Variants in NRP2 observed in about 807,000 individuals in gnomAD.
NRP2 encodes neuropilin 2.
A neutral mutation model predicts 110.4 loss-of-function variants in NRP2; 52 were observed. That is an observed-to-expected ratio of 0.47 (90% CI 0.38 to 0.59). The LOEUF is 0.59. NRP2 is among the 20% of genes least tolerant of loss of function. NRP2 has a pLI of 0.00. For synonymous variants in NRP2, 508 were observed against 468.9 expected (o/e 1.08, Z -1.08); for missense variants, 1,049 against 1,203.0 (o/e 0.87, Z 1.89).
chr2:205,691,890 G>A (rs1402073201), intron 1 of NRP2, among the ~76,000 whole-genome samples: 1 of 152,220 alleles, frequency 6.6e-6, no homozygotes, highest in African/African-American at 2.4e-5. Flanking sequence ...GAGGTCAGGA[G>A]AGGTAATCGC....
intron 1 of NRP2, among the ~76,000 whole-genome samples, chr2:205,696,570 T>A (rs1390415623): frequency 6.6e-6 from 1 of 152,232 alleles, no homozygotes. Flanking sequence ...CCCGAATAGA[T>A]GAGATTCCTC....
intron 2 of NRP2, among the ~76,000 whole-genome samples, chr2:205,709,212 G>A (rs2056749561): frequency 6.6e-6 from 1 of 152,232 alleles, no homozygotes; most frequent in Non-Finnish European, 1.5e-5. Context: ...TGTGCAGGGG[G>A]ATGATTTTTT....
At chr2:205,744,934 C>T (rs1012379322) in intron 9 of NRP2, among the ~76,000 whole-genome samples, 21 of 152,326 alleles carry the variant, frequency 1.4e-4, no homozygotes, top group African/African-American at 4.8e-4. Context: ...TGGGAGACAG[C>T]CCTATCCGAG....
intron 1 of NRP2, among the ~76,000 whole-genome samples, chr2:205,690,882 C>T (rs2056300534): frequency 6.6e-6 from 1 of 152,174 alleles, no homozygotes; most frequent in South Asian, 2.1e-4. Context: ...CTAACTCTAC[C>T]TTGACCTACT....
intron 3 of NRP2, among the ~76,000 whole-genome samples, chr2:205,719,164 A>C (rs1332391360): frequency 3.3e-5 from 5 of 152,228 alleles, no homozygotes; most frequent in Non-Finnish European, 7.3e-5. Context: ...AAACACAGCT[A>C]TGTTTGCTAG....
chr2:205,749,710 T>C lies in NRP2; in HGVS notation c.1787-15T>C, dbSNP rs562851054. The C allele has an allele frequency of 1.9e-6, 3 of 1,607,250 alleles. No individual in the cohort carries two copies. The African/African-American group carries it at 4.0e-5, about 21-fold the overall frequency. On this transcript the variant is annotated splice_polypyrimidine_tract_variant and intron_variant, in intron 10 of 16. Transcript: ENST00000357785. ...CTGCTACAGCATTCTCTTATCTTCC[T>C]TTGCCCTTACACAGACTCCAAGCCC... is the stretch of plus-strand genomic sequence containing the variant.
chr2:205,765,773 TTA>T, intron 14 of NRP2: 1 of 712,758 alleles, frequency 1.4e-6, no homozygotes, highest in East Asian at 2.7e-5. Context: ...AGGGGACGGC[TTA>T]TATCCCTGTT....
intron 15 of NRP2, among the ~76,000 whole-genome samples, chr2:205,769,369 A>G (rs1013377958): frequency 2.0e-5 from 3 of 152,166 alleles, no homozygotes; most frequent in Admixed American, 2.0e-4. Context: ...TTGGACCTGG[A>G]GTTATTAGAT....
Position 205,794,846 on chromosome 2 carries a change from C to G in NRP2, c.2569C>G (p.Leu857Val), listed in dbSNP as rs775004973. The G allele has an allele frequency of 7.4e-6, 12 of 1,614,228 alleles. No homozygotes were observed. In the Admixed American group the frequency reaches 2.0e-4, roughly 27 times the overall value. The change falls in exon 17 of 17, where the codon CTG becomes GTG. Residue 857 changes from leucine (L) to valine (V), a missense_variant. By Grantham distance (32) the Leu-to-Val change is conservative. Coordinates refer to ENST00000357785, the MANE Select transcript of NRP2 (RefSeq NM_003872.3). The stretch of plus-strand genomic sequence containing the variant: ...CAAAGAAAAGAGCTGGCTGTACACC[C>G]TGGATCCCATCCTCATCACCATCAT... ...TDKEKSWLYT[L>V]DPILITIIAM...
At chr2:205,690,556 C>T (rs1004852257) in intron 1 of NRP2, among the ~76,000 whole-genome samples, 1 of 145,700 alleles carries the variant, frequency 6.9e-6, no homozygotes, top group Non-Finnish European at 1.5e-5. Context: ...GCCAACATAG[C>T]AAGACCCCAT....
intron 15 of NRP2, among the ~76,000 whole-genome samples, chr2:205,774,307 A>C (rs1259293112): frequency 2.0e-5 from 3 of 152,158 alleles, no homozygotes; most frequent in African/African-American, 7.2e-5. Context: ...AATATGAGAG[A>C]GAGAGAGGCC....
intron 12 of NRP2, among the ~76,000 whole-genome samples, chr2:205,754,027 C>A (rs972705977): frequency 2.6e-5 from 4 of 152,146 alleles, no homozygotes; most frequent in African/African-American, 9.7e-5. Context: ...CTAATGAATA[C>A]ATTTAACAAC....
chr2:205,732,591 A>G (rs992628500), intron 7 of NRP2, among the ~76,000 whole-genome samples: 3 of 152,206 alleles, frequency 2.0e-5, no homozygotes, highest in Non-Finnish European at 4.4e-5. Flanking sequence ...CTGTAGATGG[A>G]AGGCTCTCCG....
At position 205,795,203 on chromosome 2, in the gene NRP2, C is replaced by A. The variant is rs189595470; in HGVS notation, c.*145C>A. 8 of 888,802 alleles carry A rather than the reference C, an allele frequency of 9.0e-6. No individual in the cohort carries two copies. In the East Asian group the frequency reaches 1.6e-4, roughly 18 times the overall value. 55.1% of individuals were successfully genotyped at this position (888,802 alleles called of 1,614,324 possible). On this transcript the variant is annotated 3_prime_UTR_variant, in exon 17 of 17. Transcript: ENST00000357785. ...CGAAGGTATGGACAGGACAGAAAAG[C>A]GAGTCGCAGGAGGAAGGGAGATGCA...
At chr2:205,708,329 G>A (rs1166604832) in intron 2 of NRP2, among the ~76,000 whole-genome samples, 8 of 152,218 alleles carry the variant, frequency 5.3e-5, no homozygotes, top group Non-Finnish European at 1.5e-5. Flanking sequence ...GGCCTCCAGT[G>A]TGTGTGCTGG....
chr2:205,765,466 G>C lies in NRP2; in HGVS notation c.2308-8G>C, dbSNP rs763351528. 7 of 1,613,212 alleles carry C rather than the reference G, an allele frequency of 4.3e-6. No individual in the cohort carries two copies. The Admixed American group carries it at 1.2e-4, about 27-fold the overall frequency. On this transcript the variant is annotated splice_polypyrimidine_tract_variant and splice_region_variant and intron_variant, in intron 13 of 16. Transcript: ENST00000357785. ...GTTAACCATGGCTCTTATTCTTCCG[G>C]CTTCTAGATTGTGTTCGAGGGAGTG...
chr2:205,786,035 C>T (rs2058232530), intron 15 of NRP2, among the ~76,000 whole-genome samples: 1 of 152,166 alleles, frequency 6.6e-6, no homozygotes, highest in Non-Finnish European at 1.5e-5. Flanking sequence ...CTTCTAAACT[C>T]AAGCCAAACC....
chr2:205,753,612 G>A (rs776331796), intron 12 of NRP2, among the ~76,000 whole-genome samples: 1 of 152,202 alleles, frequency 6.6e-6, no homozygotes, highest in Non-Finnish European at 1.5e-5. Context: ...ACAAGAAGGG[G>A]TTGCCTCTAT....
At chr2:205,766,717 C>T in intron 14 of NRP2, 66 bp from the exon 15 acceptor site, 1 of 1,376,530 alleles carries the variant, frequency 7.3e-7, no homozygotes, top group African/African-American at 1.4e-5. Context: ...TCCAATTATT[C>T]ACTCTATGTT....
Sources: allele counts gnomAD v4.1 joint callset (sites outside exome capture counted in the v4.1 genomes callset), GRCh38; gene constraint gnomAD v4.1.1; transcripts MANE v1.5; gene names NCBI Gene and HGNC (gene_info 2026-07-23, HGNC 2026-07-21).